The following ZMAT4 variants were observed in gnomAD, a reference collection of about 807,000 sequenced individuals.
ZMAT4 encodes zinc finger matrin-type protein 4.
A neutral mutation model predicts 28.7 loss-of-function variants in ZMAT4; 17 were observed. The ratio of observed to expected loss-of-function variants is 0.59; its 90% CI spans 0.41 to 0.89. The LOEUF (loss-of-function observed/expected upper bound fraction) is 0.89, where lower values mean the gene tolerates loss of function less well. Ranked by LOEUF, ZMAT4 falls within the 40% of genes least tolerant of loss-of-function variation. ZMAT4 has a pLI of 0.00. For synonymous variants in ZMAT4, 117 were observed against 109.2 expected (o/e 1.07, Z -0.44); for missense variants, 240 against 283.8 (o/e 0.85, Z 1.11).
rs191295171 is a variant in ZMAT4, at chr8:40,722,236, C to T, written c.193-24835G>A. On this transcript the variant is annotated intron_variant, in intron 3 of 6. Coordinates refer to ENST00000297737, the MANE Select transcript of ZMAT4 (RefSeq NM_024645.3). ...AGAAACTACCATCAGAGTGAACAGG[C>T]AACCTACAAAATGGGAGAAAATTTT... 3.1e-3 allele frequency among the ~76,000 whole-genome samples: 465 copies of T among 152,216 alleles called. 1 individual carries two copies. The highest frequency in any genetic ancestry group is 0.014 in the Middle Eastern group (4 of 294).
chr8:40,550,747 A>C (rs770130084), intron 6 of ZMAT4, among the ~76,000 whole-genome samples: 27 of 152,112 alleles, frequency 1.8e-4, no homozygotes, highest in Non-Finnish European at 3.8e-4. Context: ...CATGATTGTA[A>C]GTTTCCTGAG....
intron 6 of ZMAT4, among the ~76,000 whole-genome samples, chr8:40,543,964 G>A (rs1803119173): frequency 1.3e-5 from 2 of 152,136 alleles, no homozygotes; most frequent in Non-Finnish European, 2.9e-5. Flanking sequence ...ATGTCAAGCT[G>A]GGTGTTGGAA....
At chr8:40,656,363 A>G (rs117795111) in intron 5 of ZMAT4, among the ~76,000 whole-genome samples, 2 of 152,250 alleles carry the variant, frequency 1.3e-5, no homozygotes, top group East Asian at 3.9e-4. Flanking sequence ...AAATGGTGCA[A>G]TCACTTTTGC....
chr8:40,812,934 A>AAAAATAAAAT (rs1449323614), intron 2 of ZMAT4, among the ~76,000 whole-genome samples: 1,162 of 41,096 alleles, frequency 0.028, 15 homozygotes, highest in South Asian at 0.072. Flanking sequence ...ACTCCATCTC[A>AAAAATAAAAT]AAAATTAAAT....
chr8:40,542,290 C>T (rs1803060558), intron 6 of ZMAT4, among the ~76,000 whole-genome samples: 1 of 152,146 alleles, frequency 6.6e-6, no homozygotes, highest in African/African-American at 2.4e-5. Context: ...ATGTGTGGGC[C>T]ACCGAGGGGT....
At chr8:40,747,919 T>C (rs905244175) in intron 3 of ZMAT4, among the ~76,000 whole-genome samples, 2 of 152,164 alleles carry the variant, frequency 1.3e-5, no homozygotes, top group African/African-American at 4.8e-5. Flanking sequence ...AATGTACCAA[T>C]GAAACAAGAT....
At chr8:40,642,541 C>T (rs958269031) in intron 5 of ZMAT4, among the ~76,000 whole-genome samples, 1 of 152,186 alleles carries the variant, frequency 6.6e-6, no homozygotes, top group Non-Finnish European at 1.5e-5. Flanking sequence ...ATATCATTAA[C>T]TCTATCTAGT....
Position 40,811,510 on chromosome 8 carries a change from G to A in ZMAT4, c.102+14065C>T, listed in dbSNP as rs988215560. ...AAGACTGGGGTAATCGGAAGCCAAC[G>A]TAGTGGATTAGCATCTAAGCTGGAG... On this transcript the variant is annotated intron_variant, in intron 2 of 6. Coordinates refer to ENST00000297737, the MANE Select transcript of ZMAT4 (RefSeq NM_024645.3). Among the ~76,000 whole-genome samples the A allele has an allele frequency of 9.2e-5, 14 of 152,186 alleles. 1 individual carries two copies. Among genetic ancestry groups the A allele is most frequent in the African/African-American group, 2.2e-4 (9 of 41,450 alleles).
intron 6 of ZMAT4, among the ~76,000 whole-genome samples, chr8:40,557,328 T>A (rs1242572038): frequency 6.6e-6 from 1 of 152,104 alleles, no homozygotes; most frequent in Admixed American, 6.5e-5. Flanking sequence ...TAAAATACCA[T>A]TTAGGTTCTT....
At chr8:40,701,855 CA>C (rs542286364) in intron 3 of ZMAT4, among the ~76,000 whole-genome samples, 17 of 152,080 alleles carry the variant, frequency 1.1e-4, no homozygotes, top group Non-Finnish European at 1.9e-4. Flanking sequence ...TCTTAGCCAC[CA>C]AAATCCCAAA....
intron 3 of ZMAT4, among the ~76,000 whole-genome samples, chr8:40,727,594 G>C (rs560215779): frequency 6.6e-6 from 1 of 152,280 alleles, no homozygotes; most frequent in East Asian, 1.9e-4. Context: ...TATTGAGTAG[G>C]CAGCCAAGAA....
chr8:40,792,915 T>C (rs997970631), intron 2 of ZMAT4, among the ~76,000 whole-genome samples: 3 of 151,958 alleles, frequency 2.0e-5, no homozygotes, highest in Non-Finnish European at 4.4e-5. Flanking sequence ...ACTATGGACA[T>C]GGCAAAAAGA....
intron 5 of ZMAT4, among the ~76,000 whole-genome samples, chr8:40,639,618 A>G (rs1230749571): frequency 1.1e-5 from 1 of 92,034 alleles, no homozygotes; most frequent in African/African-American, 3.4e-5. Context: ...GGGTGACAGA[A>G]GGCAAGAACA....
intron 3 of ZMAT4, among the ~76,000 whole-genome samples, chr8:40,754,038 G>A (rs1020688418): frequency 7.2e-5 from 11 of 152,024 alleles, no homozygotes; most frequent in African/African-American, 2.7e-4. Flanking sequence ...TGGGCATGGT[G>A]GCACACGCCT....
intron 6 of ZMAT4, among the ~76,000 whole-genome samples, chr8:40,580,549 A>G (rs1467262357): frequency 6.6e-6 from 1 of 152,216 alleles, no homozygotes; most frequent in Non-Finnish European, 1.5e-5. Flanking sequence ...CAGTCCTAGC[A>G]GCTGGTTTAA....
At chr8:40,878,375 A>G (rs1348951318) in intron 1 of ZMAT4, among the ~76,000 whole-genome samples, 1 of 152,236 alleles carries the variant, frequency 6.6e-6, no homozygotes, top group African/African-American at 2.4e-5. Context: ...CACTGGGGAC[A>G]TCTGCACTAA....
intron 3 of ZMAT4, among the ~76,000 whole-genome samples, chr8:40,703,238 A>G (rs1417438223): frequency 1.1e-4 from 16 of 152,204 alleles, no homozygotes; most frequent in Non-Finnish European, 8.8e-5. Context: ...CATTCAAGAG[A>G]AATAAAAATA....
chr8:40,816,217 T>A (rs992375830), intron 2 of ZMAT4, among the ~76,000 whole-genome samples: 6 of 152,106 alleles, frequency 3.9e-5, no homozygotes, highest in Non-Finnish European at 7.4e-5. Context: ...TCCAGGGCTG[T>A]CCCCTAAAAT....
intron 1 of ZMAT4, among the ~76,000 whole-genome samples, chr8:40,878,773 C>T (rs529103493): frequency 1.3e-5 from 2 of 152,216 alleles, no homozygotes; most frequent in Non-Finnish European, 2.9e-5. Context: ...GCTCTGGCCT[C>T]GGAGGCCTGT....
Sources: allele counts gnomAD v4.1 joint callset (sites outside exome capture counted in the v4.1 genomes callset), GRCh38; gene constraint gnomAD v4.1.1; transcripts MANE v1.5; gene names NCBI Gene and HGNC (gene_info 2026-07-23, HGNC 2026-07-21).